ICA1: variants seen among roughly 807,000 people sequenced by gnomAD.
ICA1 encodes 69 kDa islet cell autoantigen.
A neutral mutation model predicts 71.0 loss-of-function variants in ICA1; 40 were observed. The ratio of observed to expected loss-of-function variants is 0.56; its 90% CI spans 0.44 to 0.73. The LOEUF (loss-of-function observed/expected upper bound fraction) is 0.73, where lower values mean the gene tolerates loss of function less well. Among genes scored for constraint, ICA1 ranks in the 30% least tolerant of loss-of-function variants. The probability of loss-of-function intolerance (pLI) is 0.00; values close to 1 mark genes in which losing one functional copy is unlikely to be tolerated. For missense variants in ICA1, 578 were observed against 576.5 expected (o/e 1.00, Z -0.03); for synonymous variants, 207 against 209.5 (o/e 0.99, Z 0.10).
rs1422496659 is a variant in ICA1 at position 8,113,398 on chromosome 7, C to G, written c.*525G>C. ...GTGAGAACACGTGGCCCACCAGGCA[C>G]CTGCTGTGGGGACAGTGTCTTTGGT... On this transcript the variant is annotated 3_prime_UTR_variant, in exon 14 of 14. Transcript: ENST00000402384. The surrounding 1 kb of genome is among the most constrained non-coding windows in gnomAD (Gnocchi z 4.2). 6.5e-6 allele frequency: 1 copy of G among 153,234 alleles called. No individual in the cohort carries two copies. Among genetic ancestry groups the G allele is most frequent in the Non-Finnish European group, 1.5e-5 (1 of 68,746 alleles). The allele number at this position is 153,234 out of a possible 1,614,324, so 9.5% of individuals were successfully genotyped here.
rs116440072 is a variant in ICA1, at chr7:8,248,729, T to G, written c.-79-12724A>C. On this transcript the variant is annotated intron_variant, in intron 1 of 13. Transcript: ENST00000402384. Reference sequence around the variant, plus strand: ...AGATGCCCACCACTCCCTCAACCTCTCGAAAGAAAAGAAAATACACACACT... The same window carrying G: ...AGATGCCCACCACTCCCTCAACCTCGCGAAAGAAAAGAAAATACACACACT... 3.8e-3 allele frequency among the ~76,000 whole-genome samples: 580 copies of G among 152,142 alleles called. 5 individuals are homozygous for G. The highest frequency in any genetic ancestry group is 0.013 in the African/African-American group (548 of 41,504).
intron 6 of ICA1, among the ~76,000 whole-genome samples, chr7:8,167,373 A>G (rs984349020): frequency 1.3e-5 from 2 of 152,226 alleles, no homozygotes; most frequent in African/African-American, 4.8e-5. Context: ...TAACACAGGA[A>G]CAGAAAAACA....
intron 6 of ICA1, among the ~76,000 whole-genome samples, chr7:8,164,324 A>AG (rs1805070826): frequency 6.7e-6 from 1 of 150,126 alleles, no homozygotes; most frequent in South Asian, 2.1e-4. Flanking sequence ...AAAAAAAAAA[A>AG]AAAAAGAATA....
Position 8,143,945 on chromosome 7 carries a change from C to G in ICA1, c.832G>C (p.Val278Leu). The change falls in exon 9 of 14, where the codon GTT becomes CTT. Residue 278 changes from valine to leucine, a missense_variant. Physicochemically the swap from Val to Leu is conservative, Grantham distance 32. Coordinates refer to ENST00000402384, the MANE Select transcript of ICA1 (RefSeq NM_001136020.3). ...KSLQDPMKKL[V>L]EKEEKKKINQ... is the part of the protein sequence containing the mutation. Reference sequence around the variant, plus strand: ...ATTTTCTTCTTCTCTTCTTTCTCAACTAATTTTTTCATAGGGTCTTGTAAG... The same window carrying G: ...ATTTTCTTCTTCTCTTCTTTCTCAAGTAATTTTTTCATAGGGTCTTGTAAG... The G allele has an allele frequency of 6.2e-7, 1 of 1,608,462 alleles. No homozygotes were observed. Among genetic ancestry groups the G allele is most frequent in the Non-Finnish European group, 8.5e-7 (1 of 1,175,676 alleles).
At chr7:8,214,853 A>T (rs779236813) in intron 6 of ICA1, among the ~76,000 whole-genome samples, 3 of 152,196 alleles carry the variant, frequency 2.0e-5, no homozygotes, top group Non-Finnish European at 4.4e-5. Flanking sequence ...CTTGGTTGGA[A>T]GTGAAAATAC....
In ICA1 at chr7:8,128,086, G is replaced by A. The variant is rs1391721821; in HGVS notation, c.1117C>T (p.Leu373=). The change falls in exon 13 of 14, where the codon CTG becomes TTG. Residue 373 remains leucine (L), a synonymous_variant. Coordinates refer to ENST00000402384, the MANE Select transcript of ICA1 (RefSeq NM_001136020.3). Reference sequence around the variant, plus strand: ...TTGAAGATCTCACTCAACAGCAGCAGGTCATCTTTGTCAGCACCTTCAGGT... The same window carrying A: ...TTGAAGATCTCACTCAACAGCAGCAAGTCATCTTTGTCAGCACCTTCAGGT... ...PEPEGADKDD[L]LLLSEIFNAS... 9.3e-6 allele frequency: 15 copies of A among 1,614,196 alleles called. No individual in the cohort carries two copies. The highest frequency in any genetic ancestry group is 1.3e-5 in the Non-Finnish European group (15 of 1,180,030).
At chr7:8,236,414 G>C (rs1801858448) in intron 1 of ICA1, among the ~76,000 whole-genome samples, 1 of 152,196 alleles carries the variant, frequency 6.6e-6, no homozygotes, top group Non-Finnish European at 1.5e-5. Context: ...TGTGGGATGT[G>C]ATGTGAGAGA....
intron 6 of ICA1, among the ~76,000 whole-genome samples, chr7:8,202,837 G>A (rs1271861586): frequency 6.7e-6 from 1 of 149,378 alleles, no homozygotes; most frequent in Non-Finnish European, 1.5e-5. Context: ...TTACTCCTAA[G>A]AGGAAGAACC....
intron 6 of ICA1, among the ~76,000 whole-genome samples, chr7:8,180,755 G>T (rs539737820): frequency 1.3e-5 from 2 of 151,840 alleles, no homozygotes; most frequent in Admixed American, 1.3e-4. Context: ...AACCATGTTG[G>T]CAATTTTGAT....
At chr7:8,196,643 G>C (rs961923012) in intron 6 of ICA1, among the ~76,000 whole-genome samples, 1 of 152,100 alleles carries the variant, frequency 6.6e-6, no homozygotes, top group African/African-American at 2.4e-5. Context: ...CGGGGAGTGA[G>C]TATGCAGAAA....
chr7:8,120,485 A>G (rs1206779795), intron 13 of ICA1, among the ~76,000 whole-genome samples: 2 of 152,186 alleles, frequency 1.3e-5, no homozygotes, highest in African/African-American at 2.4e-5. Context: ...AAGAGAACTT[A>G]GTGTTGCTAA....
chr7:8,206,688 G>A (rs1791655191), intron 6 of ICA1, among the ~76,000 whole-genome samples: 2 of 146,346 alleles, frequency 1.4e-5, no homozygotes, highest in African/African-American at 2.6e-5. Flanking sequence ...GGAAGCACTT[G>A]CGGTTGCCAG....
chr7:8,222,536 C>G lies in ICA1; in HGVS notation c.257-1138G>C, dbSNP rs1015143619. On this transcript the variant is annotated intron_variant, in intron 4 of 13. Transcript: ENST00000402384. The surrounding 1 kb of genome is among the most constrained non-coding windows in gnomAD (Gnocchi z 4.8). ...AATGCACCCCCATTCCTGACATAAT[C>G]TCACTAACAATAATTGTAGGACATT... 2.0e-5 allele frequency among the ~76,000 whole-genome samples: 3 copies of G among 152,194 alleles called. No individual in the cohort carries two copies. The highest frequency in any genetic ancestry group is 4.4e-5 in the Non-Finnish European group (3 of 68,040).
chr7:8,143,822 A>AT, intron 9 of ICA1, 53 bp downstream of exon 9: 1 of 1,192,228 alleles, frequency 8.4e-7, no homozygotes, highest in Non-Finnish European at 1.2e-6. Context: ...CGAGAACCAC[A>AT]TAACTCTCAC....
chr7:8,137,051 CTTT>C (rs79248652), intron 12 of ICA1, among the ~76,000 whole-genome samples: 1 of 140,172 alleles, frequency 7.1e-6, no homozygotes. Context: ...AGCCAAGAAC[CTTT>C]TTTTTTTTTT....
At chr7:8,148,066 G>A (rs1284818263) in intron 8 of ICA1, among the ~76,000 whole-genome samples, 6 of 152,040 alleles carry the variant, frequency 3.9e-5, no homozygotes, top group African/African-American at 1.4e-4. Context: ...TCTAGGACTG[G>A]TTCCCATCCT....
Position 8,235,988 on chromosome 7 carries a change from GA to G in ICA1, c.-63del. 6.6e-7 allele frequency: 1 copy of G among 1,522,364 alleles called. No homozygotes were observed. The highest frequency in any genetic ancestry group is 9.1e-7 in the Non-Finnish European group (1 of 1,100,594). The allele number at this position is 1,522,364 out of a possible 1,614,324, so 94.3% of individuals were successfully genotyped here. A position where few individuals can be genotyped will look rare whatever the true frequency, so the allele number is the denominator to read the frequency against. On this transcript the variant is annotated 5_prime_UTR_variant, in exon 2 of 14. Transcript: ENST00000402384. ...AAGGGGCAGGAAAAAAGCATGAGAG[GA>G]TAAGTTATATTATAACCTGAAATAA...
At chr7:8,217,436 T>C (rs1402357726) in intron 6 of ICA1, among the ~76,000 whole-genome samples, 2 of 152,306 alleles carry the variant, frequency 1.3e-5, no homozygotes, top group East Asian at 3.9e-4. Flanking sequence ...TCTGCAATAA[T>C]GTACATAATA....
intron 13 of ICA1, 62 bp from the exon 14 acceptor site, chr7:8,114,106 G>T (rs900095281): frequency 8.1e-5 from 127 of 1,576,652 alleles, no homozygotes; most frequent in Non-Finnish European, 9.4e-5. Context: ...CTGCCATGCG[G>T]GATGCAGGCA....
Sources: gnomAD v4.1 joint callset for allele counts (sites outside exome capture counted in the v4.1 genomes callset) on GRCh38, gnomAD v4.1.1 for gene constraint, Gnocchi (gnomAD v3.1) non-coding constraint, MANE v1.5 for transcripts, NCBI Gene and HGNC (gene_info 2026-07-23, HGNC 2026-07-21) for gene names.